Variants in TMEM132B observed in about 807,000 individuals in gnomAD.
The protein encoded by TMEM132B is transmembrane protein 132B.
A neutral mutation model predicts 90.8 loss-of-function variants in TMEM132B; 18 were observed. The ratio of observed to expected loss-of-function variants is 0.20; its 90% CI spans 0.14 to 0.29. The LOEUF is 0.29. TMEM132B is among the 10% of genes least tolerant of loss of function. The pLI is 1.00. For synonymous variants in TMEM132B, 504 were observed against 523.3 expected (o/e 0.96, Z 0.50); for missense variants, 1,096 against 1,326.8 (o/e 0.83, Z 2.70).
chr12:125,597,112 A>G (rs1885457223), intron 5 of TMEM132B, among the ~76,000 whole-genome samples: 1 of 152,236 alleles, frequency 6.6e-6, no homozygotes, highest in South Asian at 2.1e-4. Context: ...TAAATAAGTC[A>G]TGTATAATAA....
At chr12:125,343,460 C>T (rs1006390824) in intron 1 of TMEM132B, among the ~76,000 whole-genome samples, 2 of 152,172 alleles carry the variant, frequency 1.3e-5, no homozygotes, top group African/African-American at 2.4e-5. Context: ...CATTAAGCTT[C>T]GGCTCCTTCA....
intron 4 of TMEM132B, among the ~76,000 whole-genome samples, chr12:125,568,643 C>G (rs975766623): frequency 3.9e-5 from 6 of 152,194 alleles, no homozygotes; most frequent in East Asian, 1.9e-4. Flanking sequence ...TTTCTTCCCC[C>G]CTCTGGCTCT....
chr12:125,547,612 A>G (rs1186720710), intron 4 of TMEM132B, among the ~76,000 whole-genome samples: 1 of 152,106 alleles, frequency 6.6e-6, no homozygotes, highest in African/African-American at 2.4e-5. Context: ...GTCTAGACTT[A>G]AACCGCAACA....
chr12:125,423,131 T>C (rs1167730827), intron 3 of TMEM132B, among the ~76,000 whole-genome samples: 1 of 152,150 alleles, frequency 6.6e-6, no homozygotes, highest in Non-Finnish European at 1.5e-5. Flanking sequence ...GATTTTAATG[T>C]GCAGCCCGGG....
intron 4 of TMEM132B, 58 bp from the exon 5 acceptor site, chr12:125,583,793 C>T: frequency 1.3e-6 from 2 of 1,595,062 alleles, no homozygotes; most frequent in Non-Finnish European, 1.7e-6. Flanking sequence ...CACCCCTCTC[C>T]TGCTCGCCCC....
intron 5 of TMEM132B, among the ~76,000 whole-genome samples, chr12:125,603,088 C>G (rs1201807237): frequency 3.3e-5 from 5 of 152,146 alleles, no homozygotes; most frequent in Admixed American, 3.3e-4. Flanking sequence ...ACATTCTTCA[C>G]AGAATTAGCA....
chr12:125,276,500 T>C (rs1874994455), intron 1 of TMEM132B, among the ~76,000 whole-genome samples: 1 of 152,244 alleles, frequency 6.6e-6, no homozygotes, highest in Non-Finnish European at 1.5e-5. Context: ...GAGTAGGCCA[T>C]GGGCTATGCT....
At chr12:125,455,219 C>T (rs1881261072) in intron 3 of TMEM132B, among the ~76,000 whole-genome samples, 1 of 151,614 alleles carries the variant, frequency 6.6e-6, no homozygotes, top group African/African-American at 2.4e-5. Flanking sequence ...AAAGACCCGA[C>T]TAGGGGGAGA....
intron 2 of TMEM132B, among the ~76,000 whole-genome samples, chr12:125,409,424 C>A (rs560576835): frequency 1.2e-4 from 18 of 152,260 alleles, no homozygotes; most frequent in Non-Finnish European, 2.1e-4. Context: ...AGGCATCCGG[C>A]GGCAGTGCTT....
At chr12:125,192,733 T>G (rs1316745307) in intron 1 of TMEM132B, among the ~76,000 whole-genome samples, 1 of 152,194 alleles carries the variant, frequency 6.6e-6, no homozygotes, top group African/African-American at 2.4e-5. Flanking sequence ...AAACAGCAGA[T>G]GTGGAAGGCC....
intron 1 of TMEM132B, among the ~76,000 whole-genome samples, chr12:125,239,113 G>A (rs1362143709): frequency 6.6e-6 from 1 of 152,132 alleles, no homozygotes; most frequent in Non-Finnish European, 1.5e-5. Context: ...GCTTCCTGGA[G>A]GAGGTGATGG....
At position 125,661,808 on chromosome 12, in the gene TMEM132B, T is replaced by A. The variant is rs184609819; in HGVS notation, c.*7098T>A. 6.6e-6 allele frequency: 1 copy of A among 152,340 alleles called. No individual in the cohort carries two copies. The highest frequency in any genetic ancestry group is 1.9e-4 in the East Asian group (1 of 5,182). 9.4% of individuals were successfully genotyped at this position (152,340 alleles called of 1,614,324 possible). ...GTGGCTATAAAACACTGAAAGATAG[T>A]CACATCCACATAGCGTGTATCATGC... On this transcript the variant is annotated 3_prime_UTR_variant, in exon 9 of 9. Coordinates refer to ENST00000682704, the MANE Select transcript of TMEM132B (RefSeq NM_001366854.1).
rs1260510222 is a variant in TMEM132B, at chr12:125,302,875, TCA to T, written c.68-46575_68-46574del. 5.3e-5 allele frequency among the ~76,000 whole-genome samples: 8 copies of T among 152,242 alleles called. No homozygotes were observed. The East Asian group carries it at 1.4e-3, about 26-fold the overall frequency. On this transcript the variant is annotated intron_variant, in intron 1 of 8. Coordinates refer to ENST00000682704, the MANE Select transcript of TMEM132B (RefSeq NM_001366854.1). ...ACTTTGGAAGGCCGAGGTGGGCGGA[TCA>T]CTTGAGGTTAGGAGATCGAGACCAG...
At chr12:125,424,718 T>C (rs1418131002) in intron 3 of TMEM132B, among the ~76,000 whole-genome samples, 1 of 152,254 alleles carries the variant, frequency 6.6e-6, no homozygotes, top group Middle Eastern at 3.4e-3. Context: ...TGACGCTAGT[T>C]AAAGCAGTAA....
intron 2 of TMEM132B, among the ~76,000 whole-genome samples, chr12:125,409,104 G>T (rs1187264766): frequency 6.6e-6 from 1 of 152,176 alleles, no homozygotes; most frequent in Non-Finnish European, 1.5e-5. Context: ...TGTGCTCACA[G>T]GTACTCTCCT....
chr12:125,247,716 A>G (rs541722435), intron 1 of TMEM132B, among the ~76,000 whole-genome samples: 96 of 152,284 alleles, frequency 6.3e-4, no homozygotes, highest in African/African-American at 2.2e-3. Flanking sequence ...CCCCTGGCCA[A>G]TCAGAGCATA....
intron 1 of TMEM132B, among the ~76,000 whole-genome samples, chr12:125,198,548 A>G (rs1872979925): frequency 6.6e-6 from 1 of 152,198 alleles, no homozygotes; most frequent in Non-Finnish European, 1.5e-5. Flanking sequence ...TACTGGAGTA[A>G]TTTGGGTCAT....
intron 3 of TMEM132B, among the ~76,000 whole-genome samples, chr12:125,469,379 C>G (rs1490843570): frequency 3.3e-5 from 5 of 152,126 alleles, no homozygotes; most frequent in Admixed American, 6.5e-5. Context: ...CTTAAAAGAC[C>G]TCATTCTCAT....
chr12:125,642,949 G>A (rs117191236), intron 5 of TMEM132B, among the ~76,000 whole-genome samples: 25 of 151,982 alleles, frequency 1.6e-4, no homozygotes, highest in Non-Finnish European at 3.1e-4. Flanking sequence ...TTTTTTTGGC[G>A]GGGTGGGTGG....
Sources: allele counts gnomAD v4.1 joint callset (sites outside exome capture counted in the v4.1 genomes callset), GRCh38; gene constraint gnomAD v4.1.1; transcripts MANE v1.5; gene names NCBI Gene and HGNC (gene_info 2026-07-23, HGNC 2026-07-21).